DNAJC3: variants seen among roughly 807,000 people sequenced by gnomAD.
The protein encoded by DNAJC3 is dnaJ homolog subfamily C member 3.
In DNAJC3, 38 loss-of-function variants were observed where a neutral mutation model predicts 68.6. That is an observed-to-expected ratio of 0.55 (90% CI 0.43 to 0.73). DNAJC3 has a LOEUF of 0.73. Among genes scored for constraint, DNAJC3 ranks in the 30% least tolerant of loss-of-function variants. DNAJC3 has a pLI of 0.00. For missense variants in DNAJC3, 526 were observed against 591.9 expected (o/e 0.89, Z 1.16); for synonymous variants, 203 against 204.0 (o/e 1.00, Z 0.04).
intron 4 of DNAJC3, among the ~76,000 whole-genome samples, chr13:95,734,588 CTAT>C (rs200061407): frequency 0.013 from 2,015 of 152,188 alleles, 44 homozygotes; most frequent in African/African-American, 0.047. Context: ...ATGTTTTCAG[CTAT>C]TATTTTGTTA....
intron 9 of DNAJC3, among the ~76,000 whole-genome samples, chr13:95,767,697 T>G (rs1388504432): frequency 6.6e-6 from 1 of 150,986 alleles, no homozygotes; most frequent in Non-Finnish European, 1.5e-5. Context: ...TTGGGTTTTT[T>G]TTTTTTTTTT....
chr13:95,716,853 C>A (rs1420973885), intron 2 of DNAJC3, among the ~76,000 whole-genome samples: 2 of 152,136 alleles, frequency 1.3e-5, no homozygotes, highest in African/African-American at 2.4e-5. Flanking sequence ...CGTGGCTGGC[C>A]AGAGTGATCT....
intron 4 of DNAJC3, among the ~76,000 whole-genome samples, chr13:95,749,243 A>C (rs1051009629): frequency 4.6e-5 from 7 of 152,258 alleles, no homozygotes; most frequent in African/African-American, 1.7e-4. Flanking sequence ...ATTTAAACTC[A>C]GCATGTGTAG....
At chr13:95,707,915 C>T (rs756620900) in intron 1 of DNAJC3, among the ~76,000 whole-genome samples, 1 of 152,236 alleles carries the variant, frequency 6.6e-6, no homozygotes, top group East Asian at 1.9e-4. Flanking sequence ...AAGCAGGAAA[C>T]AATCCTTTCA....
chr13:95,750,175 C>T (rs955323308), intron 4 of DNAJC3, among the ~76,000 whole-genome samples: 4 of 151,060 alleles, frequency 2.6e-5, no homozygotes, highest in African/African-American at 7.3e-5. Context: ...TTCCGTTTCC[C>T]GTCTTCGACC....
rs182352678 is a variant in DNAJC3 at position 95,698,476 on chromosome 13, G to T, written c.83-10751G>T. On this transcript the variant is annotated intron_variant, in intron 1 of 11. Coordinates refer to ENST00000602402, the MANE Select transcript of DNAJC3 (RefSeq NM_006260.5). ...TAAGCATAGGCACTAGTCCTGATAGGGGTGGTTGAGGTCTCTGCTGCATGT... is the reference window on the plus strand; with the variant it reads ...TAAGCATAGGCACTAGTCCTGATAGTGGTGGTTGAGGTCTCTGCTGCATGT... Among the ~76,000 whole-genome samples, 3 of 152,304 alleles carry T rather than the reference G, an allele frequency of 2.0e-5. No individual in the cohort carries two copies. In the East Asian group the frequency reaches 5.8e-4, roughly 29 times the overall value.
chr13:95,757,544 C>T, intron 4 of DNAJC3, 100 bp from the exon 5 acceptor site: 3 of 1,221,984 alleles, frequency 2.5e-6, no homozygotes, highest in South Asian at 2.5e-5. Context: ...CCTTTTTACC[C>T]AATGAACTTA....
At position 95,791,341 on chromosome 13, in the gene DNAJC3, C is replaced by G. The variant is rs1883768323; in HGVS notation, c.*311C>G. 3.0e-6 allele frequency: 1 copy of G among 336,060 alleles called. No individual in the cohort carries two copies. Among genetic ancestry groups the G allele is most frequent in the Admixed American group, 4.8e-5 (1 of 20,808 alleles). 20.8% of individuals were successfully genotyped at this position (336,060 alleles called of 1,614,324 possible). A position where few individuals can be genotyped will look rare whatever the true frequency, so the allele number is the denominator to read the frequency against. On this transcript the variant is annotated 3_prime_UTR_variant, in exon 12 of 12. Transcript: ENST00000602402. ...ACGTATTCTGTATTATTTTTCTACA[C>G]TGGAGCTGAGATTCTTCTCTTCACA...
intron 2 of DNAJC3, among the ~76,000 whole-genome samples, chr13:95,718,292 T>C (rs1417784220): frequency 6.6e-6 from 1 of 152,260 alleles, no homozygotes; most frequent in African/African-American, 2.4e-5. Flanking sequence ...CTTGTTTCAC[T>C]TGCTACTTCA....
At chr13:95,690,849 T>C (rs1315971636) in intron 1 of DNAJC3, among the ~76,000 whole-genome samples, 112 of 115,274 alleles carry the variant, frequency 9.7e-4, no homozygotes, top group African/African-American at 3.5e-3. Context: ...GGCTCCTCAC[T>C]TCCCAGTAGG....
Position 95,709,308 on chromosome 13 carries a change from A to T in DNAJC3, c.164A>T (p.Asp55Val), listed in dbSNP as rs779342817. The change falls in exon 2 of 12, where the codon GAT becomes GTT. Residue 55 changes from aspartate to valine, a missense_variant. Physicochemically the swap from Asp to Val is radical, Grantham distance 152. Transcript: ENST00000602402. ...TTACTTGCAGCTGGACAGCTAGCTG[A>T]TGCTTTATCTCAGTTTCATGCTGCC... ...KKLLAAGQLA[D>V]ALSQFHAAVD... 9 of 1,589,830 alleles carry T rather than the reference A, an allele frequency of 5.7e-6. No homozygotes were observed. The highest frequency in any genetic ancestry group is 7.7e-6 in the Non-Finnish European group (9 of 1,169,424).
chr13:95,742,094 G>T lies in DNAJC3; in HGVS notation c.394-15550G>T, dbSNP rs144064049. 4.3e-3 allele frequency among the ~76,000 whole-genome samples: 656 copies of T among 152,300 alleles called. 4 individuals carry two copies. The highest frequency in any genetic ancestry group is 0.012 in the South Asian group (56 of 4,826). On this transcript the variant is annotated intron_variant, in intron 4 of 11. Transcript: ENST00000602402. ...CAGTGGCAGCAGCTGTAGGCAGGTG[G>T]CTGGGGAGCACACACTTTGTCCCTA...
At chr13:95,739,108 T>G (rs965283765) in intron 4 of DNAJC3, among the ~76,000 whole-genome samples, 6 of 152,190 alleles carry the variant, frequency 3.9e-5, no homozygotes, top group African/African-American at 1.4e-4. Context: ...GATATGCAAT[T>G]CTGGGTTGAA....
intron 1 of DNAJC3, 50 bp from the exon 2 acceptor site, chr13:95,709,177 A>T: frequency 7.7e-7 from 1 of 1,304,998 alleles, no homozygotes; most frequent in Non-Finnish European, 1.0e-6. Context: ...TTTTAGAATT[A>T]AATCTTAGTT....
chr13:95,706,982 G>T (rs1464203044), intron 1 of DNAJC3, among the ~76,000 whole-genome samples: 3 of 152,180 alleles, frequency 2.0e-5, no homozygotes, highest in African/African-American at 7.2e-5. Flanking sequence ...CAGTGCAGCA[G>T]TCCCCAACCT....
At position 95,723,112 on chromosome 13, in the gene DNAJC3, T is replaced by C. The variant is rs17882315; in HGVS notation, c.194-130T>C. 3.3e-3 allele frequency: 2,883 copies of C among 863,852 alleles called. 75 individuals carry two copies. The African/African-American group carries it at 0.044, about 13-fold the overall frequency. 53.5% of individuals were successfully genotyped at this position (863,852 alleles called of 1,614,324 possible). A position where few individuals can be genotyped will look rare whatever the true frequency, so the allele number is the denominator to read the frequency against. ...GCTAGGCAACATGACTCTTTTTTGA[T>C]GATGAGATTCTTTTCTTAATGTCCA... On this transcript the variant is annotated intron_variant, in intron 2 of 11. Coordinates refer to ENST00000602402, the MANE Select transcript of DNAJC3 (RefSeq NM_006260.5).
intron 9 of DNAJC3, among the ~76,000 whole-genome samples, chr13:95,779,338 A>G (rs182481886): frequency 2.0e-5 from 3 of 151,806 alleles, no homozygotes; most frequent in African/African-American, 4.8e-5. Context: ...GTTAGCCAGG[A>G]TGGTCTCGAT....
intron 4 of DNAJC3, among the ~76,000 whole-genome samples, chr13:95,746,636 T>C (rs984783027): frequency 1.3e-5 from 2 of 152,228 alleles, no homozygotes; most frequent in African/African-American, 4.8e-5. Context: ...ATAAATGATA[T>C]ATAAAAGTTT....
At position 95,785,995 on chromosome 13, in the gene DNAJC3, G is replaced by A. The variant is rs763640794; in HGVS notation, c.1132G>A (p.Glu378Lys). Residue 378 changes from glutamate to lysine, a missense_variant, in exon 10 of 12, where the codon GAA becomes AAA. Glu to Lys is a moderately conservative substitution (Grantham distance 56, BLOSUM62 1). Transcript: ENST00000602402. The stretch of plus-strand genomic sequence containing the variant: ...CAATGAAAATGATCAGCAGATTCGA[G>A]AAGGTCTAGAGAAAGCACAAAGATT... ...EHNENDQQIR[E>K]GLEKAQRLLK... The A allele has an allele frequency of 6.2e-7, 1 of 1,611,340 alleles. No homozygotes were observed. The highest frequency in any genetic ancestry group is 8.5e-7 in the Non-Finnish European group (1 of 1,178,856).
Sources: allele counts gnomAD v4.1 joint callset (sites outside exome capture counted in the v4.1 genomes callset), GRCh38; gene constraint gnomAD v4.1.1; transcripts MANE v1.5; gene names NCBI Gene and HGNC (gene_info 2026-07-23, HGNC 2026-07-21).